Variants in CSGALNACT1 observed in about 807,000 individuals in gnomAD.
CSGALNACT1 encodes the protein chondroitin sulfate N-acetylgalactosaminyltransferase 1.
A neutral mutation model predicts 51.0 loss-of-function variants in CSGALNACT1; 52 were observed. The ratio of observed to expected loss-of-function variants is 1.02; its 90% CI spans 0.82 to 1.29. The LOEUF is 1.29. Ranked by LOEUF, CSGALNACT1 falls within the 50% of genes most tolerant of loss-of-function variation. CSGALNACT1 has a pLI of 0.00. For synonymous variants in CSGALNACT1, 341 were observed against 254.4 expected, an observed-to-expected ratio of 1.34 and a Z score of -3.24; for missense variants, 935 against 679.2, an observed-to-expected ratio of 1.38 and a Z score of -4.19.
chr8:19,657,644 C>G (rs939082093), intron 1 of CSGALNACT1, among the ~76,000 whole-genome samples: 16 of 152,200 alleles, frequency 1.1e-4, no homozygotes, highest in Admixed American at 3.9e-4. Context: ...AAATCTCAAT[C>G]TAGCATTGGT....
At chr8:19,529,118 G>C (rs753002035) in intron 3 of CSGALNACT1, among the ~76,000 whole-genome samples, 1 of 152,196 alleles carries the variant, frequency 6.6e-6, no homozygotes. Flanking sequence ...AGTAAGCTGA[G>C]AACTGCAACA....
At chr8:19,654,245 G>C (rs1195724830) in intron 1 of CSGALNACT1, among the ~76,000 whole-genome samples, 2 of 152,168 alleles carry the variant, frequency 1.3e-5, no homozygotes, top group African/African-American at 4.8e-5. Flanking sequence ...AACTGGAAAT[G>C]CTCAATCACT....
intron 3 of CSGALNACT1, among the ~76,000 whole-genome samples, chr8:19,519,801 T>C (rs2080279341): frequency 6.6e-6 from 1 of 152,176 alleles, no homozygotes; most frequent in Non-Finnish European, 1.5e-5. Flanking sequence ...GGGGTGGCAT[T>C]CTGGTCTCTC....
rs200067462 is a variant in CSGALNACT1 at position 19,418,418 on chromosome 8, AG to A, written c.1227+237del. On this transcript the variant is annotated intron_variant, in intron 8 of 9. Transcript: ENST00000454498. The stretch of plus-strand genomic sequence containing the variant: ...CAAAAACCAGTGATGGAAACTATGA[AG>A]GTGTGAAATTACCTCTCTGTAAAGT... Among the ~76,000 whole-genome samples the A allele has an allele frequency of 4.7e-3, 709 of 152,354 alleles. 3 individuals carry two copies. Among genetic ancestry groups the A allele is most frequent in the African/African-American group, 0.016 (654 of 41,586 alleles).
chr8:19,620,316 A>T (rs1350067754), intron 1 of CSGALNACT1, among the ~76,000 whole-genome samples: 495 of 5,252 alleles, frequency 0.094, 2 homozygotes, highest in Non-Finnish European at 0.18. Context: ...CTCTGTCTCA[A>T]AAAAAAAAAA....
intron 6 of CSGALNACT1, among the ~76,000 whole-genome samples, chr8:19,424,200 T>C (rs1431083606): frequency 1.3e-5 from 2 of 151,890 alleles, no homozygotes. Context: ...GGGGACAGAG[T>C]CACTGCTGGC....
intron 6 of CSGALNACT1, among the ~76,000 whole-genome samples, chr8:19,434,436 G>C (rs2060081319): frequency 6.6e-6 from 1 of 152,142 alleles, no homozygotes; most frequent in South Asian, 2.1e-4. Context: ...AAGGATTTGA[G>C]AGTTAGTTTC....
At chr8:19,637,295 CCTT>C (rs965580100) in intron 1 of CSGALNACT1, among the ~76,000 whole-genome samples, 3 of 152,154 alleles carry the variant, frequency 2.0e-5, no homozygotes, top group Admixed American at 2.0e-4. Context: ...CAAACCACCC[CCTT>C]CTTTTCAACC....
intron 6 of CSGALNACT1, among the ~76,000 whole-genome samples, chr8:19,434,376 G>C (rs1243087332): frequency 6.6e-6 from 1 of 152,140 alleles, no homozygotes; most frequent in Non-Finnish European, 1.5e-5. Flanking sequence ...CCCTTGGCTA[G>C]ATTCACTAAG....
chr8:19,551,081 G>C (rs944994091), intron 3 of CSGALNACT1, among the ~76,000 whole-genome samples: 1 of 152,160 alleles, frequency 6.6e-6, no homozygotes, highest in African/African-American at 2.4e-5. Context: ...CCCAGGGTTA[G>C]AAAAGCTATT....
intron 3 of CSGALNACT1, among the ~76,000 whole-genome samples, chr8:19,541,445 G>C (rs1291399837): frequency 1.3e-5 from 2 of 150,936 alleles, no homozygotes; most frequent in African/African-American, 4.9e-5. Context: ...GTAGAGATGG[G>C]GTTTCACTAT....
At chr8:19,705,228 T>C (rs558611259) in intron 1 of CSGALNACT1, among the ~76,000 whole-genome samples, 4 of 152,206 alleles carry the variant, frequency 2.6e-5, no homozygotes, top group African/African-American at 9.6e-5. Context: ...GAAAAACAAA[T>C]AGAAAGTAAA....
intron 3 of CSGALNACT1, among the ~76,000 whole-genome samples, chr8:19,569,491 G>A (rs1379566886): frequency 2.0e-5 from 3 of 151,676 alleles, no homozygotes; most frequent in Non-Finnish European, 4.4e-5. Flanking sequence ...CTTCACTTGA[G>A]AAGAAGTATC....
chr8:19,520,614 T>G (rs535065227), intron 3 of CSGALNACT1, among the ~76,000 whole-genome samples: 1 of 152,244 alleles, frequency 6.6e-6, no homozygotes, highest in African/African-American at 2.4e-5. Flanking sequence ...TATGCACAGA[T>G]AGATGCCACA....
At chr8:19,483,940 G>A (rs944846462) in intron 4 of CSGALNACT1, among the ~76,000 whole-genome samples, 2 of 152,130 alleles carry the variant, frequency 1.3e-5, no homozygotes, top group Non-Finnish European at 1.5e-5. Context: ...GTTACCAGCA[G>A]TCAATTGAGG....
At chr8:19,755,195 C>T (rs1407839414) in intron 1 of CSGALNACT1, among the ~76,000 whole-genome samples, 1 of 151,992 alleles carries the variant, frequency 6.6e-6, no homozygotes, top group African/African-American at 2.4e-5. Context: ...GCTAGAGCAA[C>T]ATGAAGATTG....
At chr8:19,453,246 A>G (rs567153058) in intron 5 of CSGALNACT1, among the ~76,000 whole-genome samples, 1 of 152,324 alleles carries the variant, frequency 6.6e-6, no homozygotes, top group African/African-American at 2.4e-5. Flanking sequence ...TAATTTTTAA[A>G]AAGTCCAAAG....
At chr8:19,505,903 C>T in exon 4 of CSGALNACT1, 1 of 1,589,664 alleles carries the variant, frequency 6.3e-7, no homozygotes, top group Non-Finnish European at 8.5e-7. Flanking sequence ...GAAGGGCTTC[C>T]CTGGGCTAGA....
At chr8:19,413,471 T>C (rs1441378291) in intron 8 of CSGALNACT1, among the ~76,000 whole-genome samples, 1 of 152,182 alleles carries the variant, frequency 6.6e-6, no homozygotes, top group Non-Finnish European at 1.5e-5. Flanking sequence ...GACTGGCTTC[T>C]GGAAAGGCTC....
Sources: gnomAD v4.1 joint callset for allele counts (sites outside exome capture counted in the v4.1 genomes callset) on GRCh38, gnomAD v4.1.1 for gene constraint, MANE v1.5 for transcripts, NCBI Gene and HGNC (gene_info 2026-07-23, HGNC 2026-07-21) for gene names.